The following SH3GL2 variants were observed in gnomAD, a reference collection of about 807,000 sequenced individuals.
SH3GL2 encodes the protein SH3 domain containing GRB2 like 2, endophilin A1.
In SH3GL2, 24 loss-of-function variants were observed where a neutral mutation model predicts 46.0. The ratio of observed to expected loss-of-function variants is 0.52; its 90% CI spans 0.38 to 0.73. The LOEUF is 0.73. Ranked by LOEUF, SH3GL2 falls within the 30% of genes least tolerant of loss-of-function variation. SH3GL2 has a pLI of 0.00. For missense variants in SH3GL2, 413 were observed against 424.2 expected (o/e 0.97, Z 0.23); for synonymous variants, 196 against 147.1 (o/e 1.33, Z -2.40).
At chr9:17,668,629 G>A (rs534523748) in intron 1 of SH3GL2, among the ~76,000 whole-genome samples, 1 of 151,436 alleles carries the variant, frequency 6.6e-6, no homozygotes, top group Non-Finnish European at 1.5e-5. Context: ...TTTTCAAAAT[G>A]GCTGTTCTTT....
chr9:17,739,987 C>G (rs1411930912), intron 1 of SH3GL2, among the ~76,000 whole-genome samples: 1 of 152,118 alleles, frequency 6.6e-6, no homozygotes, highest in African/African-American at 2.4e-5. Context: ...AGGCCAAGTA[C>G]TTAACTCACT....
At chr9:17,682,116 T>G (rs1282258415) in intron 1 of SH3GL2, among the ~76,000 whole-genome samples, 2 of 152,156 alleles carry the variant, frequency 1.3e-5, no homozygotes. Context: ...TTGGTGGGAA[T>G]GTAAATTAGT....
chr9:17,594,117 G>A (rs1818530590), intron 1 of SH3GL2, among the ~76,000 whole-genome samples: 1 of 152,240 alleles, frequency 6.6e-6, no homozygotes. Context: ...ACTCTTCAGT[G>A]GCTCCTTATG....
At chr9:17,786,640 A>C (rs1302460295) in intron 4 of SH3GL2, 116 bp downstream of exon 4, 1 of 1,086,318 alleles carries the variant, frequency 9.2e-7, no homozygotes, top group East Asian at 2.4e-5. Flanking sequence ...TTTCAGTTTT[A>C]GATCCTACAC....
intron 1 of SH3GL2, among the ~76,000 whole-genome samples, chr9:17,673,190 C>G (rs1038151611): frequency 1.3e-5 from 2 of 151,946 alleles, no homozygotes; most frequent in Non-Finnish European, 2.9e-5. Context: ...ACTTTGTCAC[C>G]CAGGCTGGAA....
intron 1 of SH3GL2, among the ~76,000 whole-genome samples, chr9:17,654,848 A>G (rs1346164550): frequency 6.6e-6 from 1 of 152,168 alleles, no homozygotes; most frequent in African/African-American, 2.4e-5. Flanking sequence ...GTACAAAATA[A>G]AAATAACCAA....
chr9:17,725,065 G>A (rs1468076801), intron 1 of SH3GL2, among the ~76,000 whole-genome samples: 1 of 152,022 alleles, frequency 6.6e-6, no homozygotes, highest in Non-Finnish European at 1.5e-5. Context: ...CATGATAGGT[G>A]AATGAGATTT....
chr9:17,679,554 T>C (rs1282992302), intron 1 of SH3GL2, among the ~76,000 whole-genome samples: 2 of 152,202 alleles, frequency 1.3e-5, no homozygotes, highest in Non-Finnish European at 2.9e-5. Flanking sequence ...TTTCTAGATA[T>C]ACAATCATGT....
At chr9:17,584,496 CT>C (rs1388863585) in intron 1 of SH3GL2, among the ~76,000 whole-genome samples, 1 of 152,116 alleles carries the variant, frequency 6.6e-6, no homozygotes, top group Admixed American at 6.6e-5. Flanking sequence ...GAGTGAGATT[CT>C]GTTTCAAATA....
intron 1 of SH3GL2, among the ~76,000 whole-genome samples, chr9:17,666,653 G>T (rs1450071544): frequency 6.6e-6 from 1 of 151,562 alleles, no homozygotes; most frequent in African/African-American, 2.4e-5. Flanking sequence ...TATTCAGCCA[G>T]TTTTCTAAAT....
At chr9:17,682,684 A>T (rs765023639) in intron 1 of SH3GL2, among the ~76,000 whole-genome samples, 6 of 103,406 alleles carry the variant, frequency 5.8e-5, no homozygotes, top group Non-Finnish European at 1.2e-4. Flanking sequence ...AAGCAAAATT[A>T]AAAAAAAAAA....
chr9:17,687,578 G>C (rs1820954398), intron 1 of SH3GL2, among the ~76,000 whole-genome samples: 1 of 152,014 alleles, frequency 6.6e-6, no homozygotes, highest in Non-Finnish European at 1.5e-5. Context: ...TCATAGTATA[G>C]TCCTGAAGTT....
At chr9:17,585,732 C>T (rs1016897139) in intron 1 of SH3GL2, among the ~76,000 whole-genome samples, 41 of 152,098 alleles carry the variant, frequency 2.7e-4, no homozygotes, top group African/African-American at 9.9e-4. Context: ...ATTGGTAGGT[C>T]GTGGTCAGAA....
At chr9:17,628,440 GTGTGTGTGTGT>G (rs1819339737) in intron 1 of SH3GL2, among the ~76,000 whole-genome samples, 1 of 150,040 alleles carries the variant, frequency 6.7e-6, no homozygotes, top group Admixed American at 6.6e-5. Flanking sequence ...GTGTGTGTGT[GTGTGTGTGTGT>G]GTATGTGCAT....
chr9:17,588,344 A>G (rs1010829404), intron 1 of SH3GL2, among the ~76,000 whole-genome samples: 5 of 152,172 alleles, frequency 3.3e-5, no homozygotes, highest in African/African-American at 4.8e-5. Flanking sequence ...GCAATGTTCA[A>G]TTTGAAAAGA....
At chr9:17,686,706 G>A (rs1050929727) in intron 1 of SH3GL2, among the ~76,000 whole-genome samples, 35 of 143,434 alleles carry the variant, frequency 2.4e-4, no homozygotes, top group Non-Finnish European at 3.6e-4. Context: ...ACCAAACACC[G>A]CATATTCTCA....
At chr9:17,606,366 C>T (rs912636149) in intron 1 of SH3GL2, among the ~76,000 whole-genome samples, 16 of 152,174 alleles carry the variant, frequency 1.1e-4, no homozygotes, top group African/African-American at 3.4e-4. Context: ...GCTGGGATTA[C>T]AGGCGTAAGC....
intron 2 of SH3GL2, among the ~76,000 whole-genome samples, chr9:17,752,518 A>T (rs1257409529): frequency 6.6e-6 from 1 of 151,846 alleles, no homozygotes; most frequent in Non-Finnish European, 1.5e-5. Flanking sequence ...TTATGTGGAG[A>T]TTGAGGTCTC....
chr9:17,724,340 T>C (rs1821969728), intron 1 of SH3GL2, among the ~76,000 whole-genome samples: 1 of 152,110 alleles, frequency 6.6e-6, no homozygotes, highest in African/African-American at 2.4e-5. Context: ...AGAAAATAAT[T>C]TGTGTTTGTA....
Sources: gnomAD v4.1 joint callset for allele counts (sites outside exome capture counted in the v4.1 genomes callset) on GRCh38, gnomAD v4.1.1 for gene constraint, MANE v1.5 for transcripts, NCBI Gene and HGNC (gene_info 2026-07-23, HGNC 2026-07-21) for gene names.